ST8SIA6: variants seen among roughly 807,000 people sequenced by gnomAD.
The protein encoded by ST8SIA6 is alpha-2,8-sialyltransferase 8F.
Under a neutral mutation model 33.6 loss-of-function variants are expected in ST8SIA6, and 39 were observed. That is an observed-to-expected ratio of 1.16 (90% CI 0.90 to 1.52). The LOEUF is 1.52. Ranked by LOEUF, ST8SIA6 falls within the 40% of genes most tolerant of loss-of-function variation. The pLI is 0.00. For synonymous variants in ST8SIA6, 172 were observed against 167.2 expected (o/e 1.03, Z -0.22); for missense variants, 441 against 443.8 (o/e 0.99, Z 0.06).
At chr10:17,337,492 C>G (rs1848543134) in intron 4 of ST8SIA6, among the ~76,000 whole-genome samples, 1 of 152,092 alleles carries the variant, frequency 6.6e-6, no homozygotes, top group Non-Finnish European at 1.5e-5. Flanking sequence ...TATAATCTCC[C>G]AGGAAAAATA....
chr10:17,420,869 G>A (rs886540537), intron 2 of ST8SIA6, among the ~76,000 whole-genome samples: 3 of 152,186 alleles, frequency 2.0e-5, no homozygotes, highest in Non-Finnish European at 4.4e-5. Flanking sequence ...CAGTCGTGGC[G>A]GAAGGCAAAG....
rs1029513191 is a variant in ST8SIA6 at position 17,453,671 on chromosome 10, G to A, written c.102-14C>T. ...TCCACCAGAATCCTGCACAGCCGGGGAGAAAACTTAAGTTGCTACACCCCG... is the reference window on the plus strand; with the variant it reads ...TCCACCAGAATCCTGCACAGCCGGGAAGAAAACTTAAGTTGCTACACCCCG... On this transcript the variant is annotated splice_polypyrimidine_tract_variant and intron_variant, in intron 1 of 7. Coordinates refer to ENST00000377602, the MANE Select transcript of ST8SIA6 (RefSeq NM_001004470.3). 45 of 1,302,678 alleles carry A rather than the reference G, an allele frequency of 3.5e-5. No homozygotes were observed. Among genetic ancestry groups the A allele is most frequent in the Non-Finnish European group, 4.2e-5 (43 of 1,016,806 alleles). The allele number at this position is 1,302,678 out of a possible 1,614,324, so 80.7% of individuals were successfully genotyped here.
chr10:17,374,768 T>TATATATATATA (rs1554792825), intron 3 of ST8SIA6, among the ~76,000 whole-genome samples: 1 of 147,274 alleles, frequency 6.8e-6, no homozygotes, highest in African/African-American at 2.5e-5. Flanking sequence ...TATATATATA[T>TATATATATATA]TTAGCTCAAC....
intron 2 of ST8SIA6, among the ~76,000 whole-genome samples, chr10:17,397,641 C>T (rs576399622): frequency 1.3e-5 from 2 of 152,302 alleles, no homozygotes; most frequent in East Asian, 1.9e-4. Flanking sequence ...CAAAGCCATC[C>T]ACCACCTGGC....
intron 5 of ST8SIA6, 93 bp from the exon 6 acceptor site, chr10:17,327,219 T>A: frequency 2.2e-6 from 2 of 894,864 alleles, no homozygotes; most frequent in South Asian, 1.6e-5. Context: ...TCTTTATACA[T>A]GCTAAGGAGA....
At chr10:17,387,521 C>T (rs1315264624) in intron 3 of ST8SIA6, among the ~76,000 whole-genome samples, 1 of 151,812 alleles carries the variant, frequency 6.6e-6, no homozygotes, top group African/African-American at 2.4e-5. Flanking sequence ...CCCGCCTCAG[C>T]CTCCCAAAGT....
At chr10:17,435,587 C>T (rs4748377) in intron 2 of ST8SIA6, among the ~76,000 whole-genome samples, 24,431 of 151,924 alleles carry the variant, frequency 0.16, 2,158 homozygotes, top group African/African-American at 0.23. Flanking sequence ...TGCTAAACTT[C>T]CTTGGTTCTA....
chr10:17,356,167 T>C (rs1849182408), intron 4 of ST8SIA6, among the ~76,000 whole-genome samples: 1 of 152,190 alleles, frequency 6.6e-6, no homozygotes, highest in Non-Finnish European at 1.5e-5. Flanking sequence ...CTTTCATGCA[T>C]CCATTTCTTT....
At chr10:17,431,635 C>T (rs949476505) in intron 2 of ST8SIA6, among the ~76,000 whole-genome samples, 127 of 151,518 alleles carry the variant, frequency 8.4e-4, no homozygotes, top group African/African-American at 2.9e-3. Context: ...AACAACCCTG[C>T]GGGAAGGCGT....
intron 2 of ST8SIA6, among the ~76,000 whole-genome samples, chr10:17,422,879 T>C (rs574754370): frequency 6.6e-6 from 1 of 152,244 alleles, no homozygotes; most frequent in South Asian, 2.1e-4. Flanking sequence ...TGCTAAGAGA[T>C]AGAGAAGCGA....
chr10:17,343,987 T>A (rs527604265), intron 4 of ST8SIA6, among the ~76,000 whole-genome samples: 7 of 152,326 alleles, frequency 4.6e-5, no homozygotes, highest in African/African-American at 1.7e-4. Flanking sequence ...TCATCCCTGT[T>A]GTTGTCCCCA....
intron 4 of ST8SIA6, among the ~76,000 whole-genome samples, chr10:17,333,716 T>TAC (rs1848406504): frequency 3.1e-4 from 15 of 48,906 alleles, no homozygotes; most frequent in Non-Finnish European, 5.6e-4. Flanking sequence ...TATATATATA[T>TAC]ATTTTTTTTT....
intron 4 of ST8SIA6, among the ~76,000 whole-genome samples, chr10:17,347,949 G>A (rs1190681218): frequency 1.0e-4 from 7 of 67,558 alleles, no homozygotes; most frequent in Non-Finnish European, 1.9e-4. Context: ...GTGAGACTCT[G>A]TCTCAAAAAA....
At chr10:17,341,864 G>T (rs1465255561) in intron 4 of ST8SIA6, among the ~76,000 whole-genome samples, 1 of 124,130 alleles carries the variant, frequency 8.1e-6, no homozygotes, top group Non-Finnish European at 1.6e-5. Flanking sequence ...CCGCACTACT[G>T]CACTCCAGCC....
At chr10:17,325,881 A>C (rs1848114982) in intron 6 of ST8SIA6, among the ~76,000 whole-genome samples, 1 of 152,174 alleles carries the variant, frequency 6.6e-6, no homozygotes. Flanking sequence ...ATCAAAACTT[A>C]TTGTATTGCC....
chr10:17,418,270 C>T (rs11254583), intron 2 of ST8SIA6, among the ~76,000 whole-genome samples: 2 of 151,908 alleles, frequency 1.3e-5, no homozygotes, highest in East Asian at 1.9e-4. Context: ...TGCTTTGTTC[C>T]GGCTGGTCTC....
At chr10:17,396,773 C>A (rs923123283) in intron 2 of ST8SIA6, among the ~76,000 whole-genome samples, 3 of 152,186 alleles carry the variant, frequency 2.0e-5, no homozygotes, top group African/African-American at 7.2e-5. Flanking sequence ...CATCTATTGC[C>A]TTACCTTTCA....
rs1853053694 is a variant in ST8SIA6 at position 17,454,573 on chromosome 10, C to T, written c.-318G>A. Among the ~76,000 whole-genome samples, 2 of 151,946 alleles carry T rather than the reference C, an allele frequency of 1.3e-5. No homozygotes were observed. Among genetic ancestry groups the T allele is most frequent in the Admixed American group, 1.3e-4 (2 of 15,268 alleles). ...AGGCGCTCGGAGCTGCTGCGGGCTC[C>T]GGTCGCCGCTGCCACTGCTGCTGCC... On this transcript the variant is annotated 5_prime_UTR_variant, in exon 1 of 8. Coordinates refer to ENST00000377602, the MANE Select transcript of ST8SIA6 (RefSeq NM_001004470.3). The surrounding 1 kb of genome is among the most constrained non-coding windows in gnomAD (Gnocchi z 4.1).
rs559328024 is a variant in ST8SIA6 at position 17,364,962 on chromosome 10, C to A, written c.291-5362G>T. ...AGATAAACAGCTTGCTCAATATTGC[C>A]TTGTATGTAGATGAGCTAAGAATTA... On this transcript the variant is annotated intron_variant, in intron 3 of 7. Transcript: ENST00000377602. Among the ~76,000 whole-genome samples, 268 of 152,226 alleles carry A rather than the reference C, an allele frequency of 1.8e-3. 2 individuals are homozygous for A. Among genetic ancestry groups the A allele is most frequent in the African/African-American group, 6.2e-3 (259 of 41,534 alleles).
Sources: allele counts gnomAD v4.1 joint callset (sites outside exome capture counted in the v4.1 genomes callset), GRCh38; gene constraint gnomAD v4.1.1; non-coding constraint Gnocchi (gnomAD v3.1); transcripts MANE v1.5; gene names NCBI Gene and HGNC (gene_info 2026-07-23, HGNC 2026-07-21).